The following NLRP6 variants were observed in gnomAD, a reference collection of about 807,000 sequenced individuals.
NLRP6 encodes NLR family pyrin domain containing 6.
In NLRP6, 55 loss-of-function variants were observed where a neutral mutation model predicts 70.9. That is an observed-to-expected ratio of 0.78 (90% CI 0.62 to 0.97). NLRP6 has a LOEUF of 0.97. Ranked by LOEUF, NLRP6 falls within the 50% of genes least tolerant of loss-of-function variation. The pLI is 0.00. For synonymous variants in NLRP6, 652 were observed against 581.9 expected (o/e 1.12, Z -1.73); for missense variants, 1,241 against 1,238.3 (o/e 1.00, Z -0.03).
intron 5 of NLRP6, among the ~76,000 whole-genome samples, chr11:283,844 AG>A (rs1845513862): frequency 6.6e-6 from 1 of 152,028 alleles, no homozygotes; most frequent in Non-Finnish European, 1.5e-5. Context: ...CTGCTGGTAA[AG>A]TAAGATGTTC....
In NLRP6 at chr11:280,500, C is replaced by T; in HGVS notation, c.766C>T (p.Gln256Ter). Residue 256 changes from glutamine to a stop codon, truncating the protein, a stop_gained, in exon 4 of 8, where the codon CAG becomes TAG. Coordinates refer to ENST00000534750, the MANE Select transcript of NLRP6 (RefSeq NM_001276700.2). LOFTEE classifies it high-confidence loss of function. ...TRSLADLILD[Q>*]CPDRGAPVPQ... Reference sequence around the variant, plus strand: ...CAGCCTGGCTGACCTGATCCTGGACCAGTGCCCCGACCGCGGCGCGCCGGT... The same window carrying T: ...CAGCCTGGCTGACCTGATCCTGGACTAGTGCCCCGACCGCGGCGCGCCGGT... 1 of 1,581,556 alleles carries T rather than the reference C, an allele frequency of 6.3e-7. No individual in the cohort carries two copies. The highest frequency in any genetic ancestry group is 8.5e-7 in the Non-Finnish European group (1 of 1,174,008).
Position 285,315 on chromosome 11 carries a change from G to A in NLRP6, c.*11G>A, listed in dbSNP as rs749965584. On this transcript the variant is annotated 3_prime_UTR_variant, in exon 8 of 8. Transcript: ENST00000534750. ...ATCTCGACCTTCTGAGGCTCTGGTGGCCAGAGCAGGGTGGAAGACCCTAGT... is the reference window on the plus strand; with the variant it reads ...ATCTCGACCTTCTGAGGCTCTGGTGACCAGAGCAGGGTGGAAGACCCTAGT... 3.7e-6 allele frequency: 6 copies of A among 1,605,678 alleles called. No individual in the cohort carries two copies. Among genetic ancestry groups the A allele is most frequent in the Non-Finnish European group, 1.7e-6 (2 of 1,175,692 alleles).
intron 2 of NLRP6, 86 bp downstream of exon 2, chr11:279,693 C>T: frequency 7.5e-7 from 1 of 1,339,170 alleles, no homozygotes; most frequent in Non-Finnish European, 9.7e-7. Flanking sequence ...CCGGCGCGGT[C>T]CCCGGCCCCC....
At chr11:281,885 T>C (rs562818202) in intron 4 of NLRP6, 46 bp downstream of exon 4, 39 of 1,511,578 alleles carry the variant, frequency 2.6e-5, no homozygotes, top group African/African-American at 1.8e-4. Context: ...GAGGTGTGTG[T>C]GCCGGTGCAA....
At position 278,640 on chromosome 11, in the gene NLRP6, C is replaced by T. The variant is rs1554898572; in HGVS notation, c.29+42C>T. 2.6e-6 allele frequency: 4 copies of T among 1,538,984 alleles called. No individual in the cohort carries two copies. The highest frequency in any genetic ancestry group is 3.5e-6 in the Non-Finnish European group (4 of 1,138,834). On this transcript the variant is annotated intron_variant, in intron 1 of 7. Transcript: ENST00000534750. The surrounding 1 kb of genome is among the most constrained non-coding windows in gnomAD (Gnocchi z 4.7). ...GGGTGGTCACTGGGAACCGGCTGGTCTCAGCCCTCTGGGGCCTCCACCTCA... is the reference window on the plus strand; with the variant it reads ...GGGTGGTCACTGGGAACCGGCTGGTTTCAGCCCTCTGGGGCCTCCACCTCA...
Position 281,188 on chromosome 11 carries a change from T to A in NLRP6, c.1454T>A (p.Leu485Gln). 3 of 1,613,204 alleles carry A rather than the reference T, an allele frequency of 1.9e-6. No individual in the cohort carries two copies. Among genetic ancestry groups the A allele is most frequent in the Non-Finnish European group, 2.5e-6 (3 of 1,179,974 alleles). The change falls in exon 4 of 8, where the codon CTG (leucine) becomes CAG (glutamine). Residue 485 changes from leucine (L) to glutamine (Q), a missense_variant. Transcript: ENST00000534750. ...ACGCTGTTTCTCAGCAAAAAGGAGC[T>A]GCCGGGCGTGCTGGAGACAGAGGTC... Reference protein sequence around the residue: ...VQTLFLSKKELPGVLETEVTY... With the variant: ...VQTLFLSKKEQPGVLETEVTY...
chr11:278,606 C>T lies in NLRP6; in HGVS notation c.29+8C>T. 2 of 1,586,446 alleles carry T rather than the reference C, an allele frequency of 1.3e-6. No individual in the cohort carries two copies. Among genetic ancestry groups the T allele is most frequent in the African/African-American group, 1.4e-5 (1 of 73,344 alleles). ...AGAGGCCCCCTGCTCCAGGTGAGTG[C>T]TGGCCCCAGGGTGGTCACTGGGAAC... is the stretch of plus-strand genomic sequence containing the variant. On this transcript the variant is annotated splice_region_variant and intron_variant, in intron 1 of 7. Transcript: ENST00000534750. This position sits in a 1 kb window ranked among gnomAD's most constrained non-coding sequence, Gnocchi z 4.7.
At position 281,784 on chromosome 11, in the gene NLRP6, GAGA is replaced by G. The variant is rs199476226; in HGVS notation, c.2063_2065del (p.Lys688del). The G allele has an allele frequency of 2.7e-3, 4,364 of 1,602,194 alleles. 69 individuals carry two copies. The African/African-American group carries it at 0.041, about 15-fold the overall frequency. ...CAGCTGCAGATTGGTTGCTGCGCAG[GAGA>G]AGAAGAAGAAGAGCCTGGGGAAGCG... On this transcript the variant is annotated inframe_deletion, in exon 4 of 8. Coordinates refer to ENST00000534750, the MANE Select transcript of NLRP6 (RefSeq NM_001276700.2).
At chr11:283,344 C>T (rs374972258) in intron 5 of NLRP6, among the ~76,000 whole-genome samples, 51 of 140,272 alleles carry the variant, frequency 3.6e-4, no homozygotes, top group African/African-American at 5.8e-4. Flanking sequence ...GACGGAGCCT[C>T]GCTCTGTCGC....
chr11:279,012 G>A (rs1345025932), intron 1 of NLRP6: 3 of 353,624 alleles, frequency 8.5e-6, no homozygotes, highest in African/African-American at 2.1e-5. Flanking sequence ...CTGGGGTGTG[G>A]AAGGACAGAA....
Position 281,157 on chromosome 11 carries a change from G to A in NLRP6, c.1423G>A (p.Val475Met). 1 of 1,613,124 alleles carries A rather than the reference G, an allele frequency of 6.2e-7. No homozygotes were observed. The highest frequency in any genetic ancestry group is 2.2e-5 in the East Asian group (1 of 44,880). ...LEQLELRGSK[V>M]QTLFLSKKEL... is the part of the protein sequence containing the mutation. The stretch of plus-strand genomic sequence containing the variant: ...GCAACTGGAGCTTCGTGGCTCCAAA[G>A]TGCAGACGCTGTTTCTCAGCAAAAA... The change falls in exon 4 of 8, where the codon GTG becomes ATG. Residue 475 changes from valine to methionine, a missense_variant. By Grantham distance (21) the Val-to-Met change is conservative. Coordinates refer to ENST00000534750, the MANE Select transcript of NLRP6 (RefSeq NM_001276700.2).
chr11:279,411 C>G lies in NLRP6; in HGVS notation c.114C>G (p.Arg38=), dbSNP rs930853997. The change falls in exon 2 of 8, where the codon CGC becomes CGG. Residue 38 remains arginine, a synonymous_variant. Transcript: ENST00000534750. ...GCCAAGAGCAGCTGAAGCGCTTCCGCCACAAGCTGCGCGACGTGGGCCCGG... is the reference window on the plus strand; with the variant it reads ...GCCAAGAGCAGCTGAAGCGCTTCCGGCACAAGCTGCGCGACGTGGGCCCGG... ...ELSQEQLKRF[R]HKLRDVGPDG... 1.5e-6 allele frequency: 2 copies of G among 1,362,816 alleles called. No homozygotes were observed. The highest frequency in any genetic ancestry group is 3.9e-5 in the Admixed American group (1 of 25,962). 84.4% of individuals were successfully genotyped at this position (1,362,816 alleles called of 1,614,324 possible).
rs1845431845 is a variant in NLRP6, at chr11:279,319, G to A, written c.30-8G>A. The A allele has an allele frequency of 4.6e-6, 5 of 1,093,826 alleles. No homozygotes were observed. Among genetic ancestry groups the A allele is most frequent in the Middle Eastern group, 4.2e-4 (1 of 2,386 alleles). 67.8% of individuals were successfully genotyped at this position (1,093,826 alleles called of 1,614,324 possible). On this transcript the variant is annotated splice_region_variant and splice_polypyrimidine_tract_variant and intron_variant, in intron 1 of 7. Transcript: ENST00000534750. The stretch of plus-strand genomic sequence containing the variant: ...GCTCCCCGATGACCCGCGCCCGCCC[G>A]CCTCCAGCACGGGGCCGCGCCTCGC...
At chr11:279,057 C>G in intron 1 of NLRP6, 1 of 374,062 alleles carries the variant, frequency 2.7e-6, no homozygotes, top group Non-Finnish European at 4.7e-6. Flanking sequence ...AAGGTGCCCC[C>G]CAGAGCTCAG....
At position 284,376 on chromosome 11, in the gene NLRP6, C is replaced by T. The variant is rs534390821; in HGVS notation, c.2345C>T (p.Pro782Leu). 121 of 1,602,156 alleles carry T rather than the reference C, an allele frequency of 7.6e-5. No individual in the cohort carries two copies. The highest frequency in any genetic ancestry group is 1.0e-4 in the Admixed American group (6 of 59,718). ...ATGCTGAGTGAGGGCCTAGCCTGGC[C>T]GCAGTGCAGGGTGCAGACGGTCAGG... ...LRMLSEGLAW[P>L]QCRVQTVRVQ... Residue 782 changes from proline to leucine, a missense_variant, in exon 6 of 8, where the codon CCG becomes CTG. Pro to Leu is a moderately conservative substitution (Grantham distance 98). Coordinates refer to ENST00000534750, the MANE Select transcript of NLRP6 (RefSeq NM_001276700.2).
Position 284,389 on chromosome 11 carries a change from G to A in NLRP6, c.2358G>A (p.Val786=), listed in dbSNP as rs1328287377. ...GCCTAGCCTGGCCGCAGTGCAGGGTGCAGACGGTCAGGTGAGGCCTGGCCT... is the reference window on the plus strand; with the variant it reads ...GCCTAGCCTGGCCGCAGTGCAGGGTACAGACGGTCAGGTGAGGCCTGGCCT... ...SEGLAWPQCR[V]QTVRVQLPDP... Residue 786 remains valine (V), a synonymous_variant, in exon 6 of 8, where the codon GTG becomes GTA. Coordinates refer to ENST00000534750, the MANE Select transcript of NLRP6 (RefSeq NM_001276700.2). 1.9e-6 allele frequency: 3 copies of A among 1,599,508 alleles called. No individual in the cohort carries two copies. In the East Asian group the frequency reaches 6.7e-5, roughly 36 times the overall value.
At chr11:279,271 C>T (rs1021183412) in intron 1 of NLRP6, 56 bp from the exon 2 acceptor site, 4 of 693,162 alleles carry the variant, frequency 5.8e-6, no homozygotes, top group Non-Finnish European at 3.7e-6. Flanking sequence ...GAGTCGGGGG[C>T]GGGCGGGGGT....
Position 281,187 on chromosome 11 carries a change from C to T in NLRP6, c.1453C>T (p.Leu485=). Residue 485 remains leucine, a synonymous_variant, in exon 4 of 8, where the codon CTG becomes TTG. Coordinates refer to ENST00000534750, the MANE Select transcript of NLRP6 (RefSeq NM_001276700.2). The part of the protein sequence containing the change: ...VQTLFLSKKE[L]PGVLETEVTY... ...GACGCTGTTTCTCAGCAAAAAGGAG[C>T]TGCCGGGCGTGCTGGAGACAGAGGT... is the stretch of plus-strand genomic sequence containing the variant. 6.2e-7 allele frequency: 1 copy of T among 1,613,216 alleles called. No individual in the cohort carries two copies. The highest frequency in any genetic ancestry group is 8.5e-7 in the Non-Finnish European group (1 of 1,179,990).
rs767191191 is a variant in NLRP6, at chr11:284,485, C to A, written c.2380C>A (p.Pro794Thr). The A allele has an allele frequency of 6.2e-7, 1 of 1,612,850 alleles. No homozygotes were observed. The highest frequency in any genetic ancestry group is 1.1e-5 in the South Asian group (1 of 91,078). ...TCGGCCCTCCCACAGGGTACAGCTG[C>A]CTGACCCCCAGCGAGGGCTCCAGTA... ...CRVQTVRVQL[P>T]DPQRGLQYLV... Residue 794 changes from proline (P) to threonine (T), a missense_variant, in exon 7 of 8, where the codon CCT becomes ACT. Transcript: ENST00000534750.
Sources: gnomAD v4.1 joint callset for allele counts (sites outside exome capture counted in the v4.1 genomes callset) on GRCh38, gnomAD v4.1.1 for gene constraint, Gnocchi (gnomAD v3.1) non-coding constraint, MANE v1.5 for transcripts, NCBI Gene and HGNC (gene_info 2026-07-23, HGNC 2026-07-21) for gene names.